Variants in SCAPER observed in about 807,000 individuals in gnomAD.
SCAPER encodes the protein S-phase cyclin A associated protein in the ER.
In SCAPER, 98 loss-of-function variants were observed where a neutral mutation model predicts 182.2. The ratio of observed to expected loss-of-function variants is 0.54; its 90% CI spans 0.46 to 0.64. The LOEUF is 0.64. SCAPER is among the 30% of genes least tolerant of loss of function. The probability of loss-of-function intolerance (pLI) is 0.00; values close to 1 mark genes in which losing one functional copy is unlikely to be tolerated. For missense variants in SCAPER, 1,432 were observed against 1,690.0 expected (o/e 0.85, Z 2.68); for synonymous variants, 605 against 564.6 (o/e 1.07, Z -1.01).
chr15:76,765,824 A>G (rs1043057766), intron 11 of SCAPER, among the ~76,000 whole-genome samples, 186 bp from the exon 12 acceptor site: 4 of 152,226 alleles, frequency 2.6e-5, no homozygotes, highest in African/African-American at 4.8e-5. Flanking sequence ...ACTACAGCCT[A>G]TTCATTTTAA....
chr15:76,901,335 A>G (rs1300988622), intron 1 of SCAPER, among the ~76,000 whole-genome samples: 1 of 152,236 alleles, frequency 6.6e-6, no homozygotes, highest in African/African-American at 2.4e-5. Flanking sequence ...TGCCATGAAT[A>G]TGTCAACCAA....
At chr15:76,434,398 G>T in intron 25 of SCAPER, 88 bp from the exon 26 acceptor site, 2 of 953,952 alleles carry the variant, frequency 2.1e-6, no homozygotes, top group Non-Finnish European at 3.1e-6. Context: ...GGAATCATAA[G>T]TAATTTTGAC....
At chr15:76,615,500 C>G (rs2468119) in intron 22 of SCAPER, among the ~76,000 whole-genome samples, 19,826 of 125,720 alleles carry the variant, frequency 0.16, 1,369 homozygotes, top group African/African-American at 0.25. Flanking sequence ...CAGACACACA[C>G]ACACACACAC....
At chr15:76,453,266 C>T (rs976700401) in intron 25 of SCAPER, among the ~76,000 whole-genome samples, 2 of 152,206 alleles carry the variant, frequency 1.3e-5, no homozygotes, top group African/African-American at 4.8e-5. Context: ...GAAATGAACA[C>T]TGATTCTTTG....
intron 22 of SCAPER, among the ~76,000 whole-genome samples, chr15:76,585,636 G>A (rs1384676879): frequency 6.6e-6 from 1 of 152,176 alleles, no homozygotes; most frequent in African/African-American, 2.4e-5. Flanking sequence ...CAGAATACAA[G>A]AGGCTTGTAT....
chr15:76,813,227 T>TAAAAAAAAAAAAAA lies in SCAPER; in HGVS notation c.394-8608_394-8595dup, dbSNP rs746891532. On this transcript the variant is annotated intron_variant, in intron 5 of 31. Coordinates refer to ENST00000563290, the MANE Select transcript of SCAPER (RefSeq NM_020843.4). ...CAGACAGAGTTCAATATCCTTTCAC[T>TAAAAAAAAAAAAAA]AAAAAAAAAAAAAAAAAAAAAAAAA... 1.9e-3 allele frequency among the ~76,000 whole-genome samples: 32 copies of TAAAAAAAAAAAAAA among 17,188 alleles called. 1 individual carries two copies. The highest frequency in any genetic ancestry group is 3.3e-3 in the African/African-American group (14 of 4,210). 11.3% of individuals were successfully genotyped at this position (17,188 alleles called of 152,430 possible).
At chr15:76,420,525 A>G (rs945417298) in intron 26 of SCAPER, among the ~76,000 whole-genome samples, 2 of 152,222 alleles carry the variant, frequency 1.3e-5, no homozygotes, top group African/African-American at 4.8e-5. Flanking sequence ...AAAAAGAATC[A>G]AAAGAGCAAT....
At chr15:76,880,870 T>C (rs557398001) in intron 2 of SCAPER, among the ~76,000 whole-genome samples, 6 of 152,182 alleles carry the variant, frequency 3.9e-5, no homozygotes, top group African/African-American at 1.4e-4. Flanking sequence ...CATGCACCCA[T>C]TAAAATGGCT....
At chr15:76,436,153 T>C (rs2047183404) in intron 25 of SCAPER, among the ~76,000 whole-genome samples, 1 of 152,138 alleles carries the variant, frequency 6.6e-6, no homozygotes, top group South Asian at 2.1e-4. Context: ...CTGCAACCTC[T>C]GCCTCTTGGG....
chr15:76,824,196 C>T (rs1598936492), intron 5 of SCAPER, among the ~76,000 whole-genome samples: 1 of 152,162 alleles, frequency 6.6e-6, no homozygotes. Context: ...CAGGATGAAA[C>T]AGAACAAAAG....
chr15:76,798,988 C>T (rs1329042835), intron 7 of SCAPER, among the ~76,000 whole-genome samples: 1 of 152,124 alleles, frequency 6.6e-6, no homozygotes, highest in Non-Finnish European at 1.5e-5. Context: ...ATACAGGTAA[C>T]CACAAAAGAC....
chr15:76,446,598 T>C (rs116612671), intron 25 of SCAPER, among the ~76,000 whole-genome samples: 2,358 of 152,292 alleles, frequency 0.015, 61 homozygotes, highest in African/African-American at 0.054. Context: ...GCAAGCTCAA[T>C]AGAAACTTAT....
At chr15:76,605,323 G>T (rs141058188) in intron 22 of SCAPER, among the ~76,000 whole-genome samples, 1 of 151,264 alleles carries the variant, frequency 6.6e-6, no homozygotes, top group Non-Finnish European at 1.5e-5. Context: ...GCTGGATTAT[G>T]TTTATTGATT....
intron 20 of SCAPER, among the ~76,000 whole-genome samples, chr15:76,671,301 C>G (rs556920865): frequency 6.6e-6 from 1 of 152,082 alleles, no homozygotes; most frequent in African/African-American, 2.4e-5. Context: ...CCACTGCATT[C>G]CAGTCTGGGC....
chr15:76,712,162 A>C lies in SCAPER; in HGVS notation c.2166-6178T>G, dbSNP rs377750185. Among the ~76,000 whole-genome samples the C allele has an allele frequency of 2.5e-3, 382 of 152,032 alleles. 1 individual carries two copies. Among genetic ancestry groups the C allele is most frequent in the African/African-American group, 6.8e-3 (283 of 41,488 alleles). On this transcript the variant is annotated intron_variant, in intron 17 of 31. Transcript: ENST00000563290. ...GTTTCAGCTTTCTACATATGGCTAG[A>C]CAGTTTTCCCAGCACCTTTTATTAA...
intron 8 of SCAPER, among the ~76,000 whole-genome samples, chr15:76,777,532 T>C (rs141898444): frequency 0.04 from 3,263 of 82,184 alleles, 41 homozygotes; most frequent in South Asian, 0.088. Context: ...CCATCTCTAC[T>C]AAATACAAAA....
chr15:76,728,780 A>T (rs7496739), intron 16 of SCAPER, 43 bp from the exon 17 acceptor site: 1 of 1,558,694 alleles, frequency 6.4e-7, no homozygotes, highest in Non-Finnish European at 8.7e-7. Context: ...AATTATGTGT[A>T]AAATAAAAAT....
chr15:76,641,938 G>T (rs532868374), intron 21 of SCAPER, among the ~76,000 whole-genome samples: 5 of 152,262 alleles, frequency 3.3e-5, no homozygotes, highest in African/African-American at 1.2e-4. Flanking sequence ...GACACAGACA[G>T]ACTTGATTTT....
At chr15:76,609,451 C>T (rs1335456598) in intron 22 of SCAPER, among the ~76,000 whole-genome samples, 1 of 151,940 alleles carries the variant, frequency 6.6e-6, no homozygotes, top group African/African-American at 2.4e-5. Context: ...CATGCCACTG[C>T]ACTTCAGCCT....
Sources: allele counts gnomAD v4.1 joint callset (sites outside exome capture counted in the v4.1 genomes callset), GRCh38; gene constraint gnomAD v4.1.1; transcripts MANE v1.5; gene names NCBI Gene and HGNC (gene_info 2026-07-23, HGNC 2026-07-21).